Variants in PARP10 observed in about 807,000 individuals in gnomAD.
PARP10 encodes the protein poly(ADP-ribose) polymerase family member 10.
A neutral mutation model predicts 82.4 loss-of-function variants in PARP10; 56 were observed. That is an observed-to-expected ratio of 0.68 (90% CI 0.55 to 0.85). PARP10 has a LOEUF of 0.85. Among genes scored for constraint, PARP10 ranks in the 40% least tolerant of loss-of-function variants. PARP10 has a pLI of 0.00. For missense variants in PARP10, 1,227 were observed against 1,379.4 expected (o/e 0.89, Z 1.75); for synonymous variants, 576 against 601.1 (o/e 0.96, Z 0.61).
chr8:143,989,785 TC>T (rs1387163039), upstream of PARP10: 7 of 152,316 alleles, frequency 4.6e-5, no homozygotes, highest in Admixed American at 2.0e-4. This position sits in a 1 kb window ranked among gnomAD's most constrained non-coding sequence, Gnocchi z 4.3. Context: ...GGACGGTCAG[TC>T]CCGGGCAGCT....
rs1554746811 is a variant in PARP10, at chr8:143,977,992, C to T, written c.2646G>A (p.Glu882=). The change falls in exon 10 of 11, where the codon GAG becomes GAA. Residue 882 remains glutamate, a synonymous_variant. Coordinates refer to ENST00000313028, the MANE Select transcript of PARP10 (RefSeq NM_032789.5). The part of the protein sequence containing the change: ...LLQRCERRPV[E]QVLYHGTTAP... ...CCGTCGTGCCGTGGTACAGCACCTG[C>T]TCCACCGGGCGCCGCTCGCATCGCT... 2.5e-6 allele frequency: 4 copies of T among 1,593,226 alleles called. No homozygotes were observed. Among genetic ancestry groups the T allele is most frequent in the Admixed American group, 3.4e-5 (2 of 59,580 alleles).
rs1834248117 is a variant in PARP10 at position 144,008,245 on chromosome 8, C to A, written c.-80+4285G>T. Among the ~76,000 whole-genome samples, 4 of 152,312 alleles carry A rather than the reference C, an allele frequency of 2.6e-5. No individual in the cohort carries two copies. The South Asian group carries it at 8.3e-4, about 32-fold the overall frequency. ...CCAGCATGGAGGCAGCACGTTGGGG[C>A]CTGTCAGGTGGATGGAACAGAGGGC... On this transcript the variant is annotated intron_variant, in intron 1 of 3. Coordinates refer to the PARP10 transcript ENST00000530478. This position sits in a 1 kb window ranked among gnomAD's most constrained non-coding sequence, Gnocchi z 4.0.
chr8:143,978,970 T>G (rs1183012897), intron 9 of PARP10, among the ~76,000 whole-genome samples: 2 of 45,764 alleles, frequency 4.4e-5, no homozygotes, highest in Non-Finnish European at 9.2e-5. Context: ...ACCCTGCAAG[T>G]TTTTTTTTTT....
chr8:144,006,803 C>A (rs1834239505), intron 1 of PARP10, among the ~76,000 whole-genome samples: 1 of 152,202 alleles, frequency 6.6e-6, no homozygotes. Flanking sequence ...GGGTCCTCAC[C>A]AGACACCAGG....
At chr8:143,994,831 G>A (rs1174783958), upstream of PARP10, among the ~76,000 whole-genome samples, 5 of 152,138 alleles carry the variant, frequency 3.3e-5, no homozygotes, top group South Asian at 4.2e-4. Context: ...CTGGGTGCCC[G>A]CCTGTGCTCC....
intron 1 of PARP10, among the ~76,000 whole-genome samples, chr8:143,998,724 C>T (rs558271453): frequency 1.3e-5 from 2 of 152,058 alleles, no homozygotes; most frequent in Non-Finnish European, 2.9e-5. Context: ...CAAAGGCAGG[C>T]GGATCACTTG....
At chr8:143,995,762 A>G (rs1470993183), upstream of PARP10, among the ~76,000 whole-genome samples, 1 of 152,110 alleles carries the variant, frequency 6.6e-6, no homozygotes, top group Non-Finnish European at 1.5e-5. Flanking sequence ...TGCATAGAAC[A>G]TCAACATCAG....
Position 143,986,130 on chromosome 8 carries a change from G to A in PARP10, c.106C>T (p.Arg36Cys), listed in dbSNP as rs782082984. The change falls in exon 2 of 11, where the codon CGC (arginine) becomes TGC (cysteine). Residue 36 changes from arginine to cysteine, a missense_variant. Physicochemically the swap from Arg to Cys is radical, Grantham distance 180 (BLOSUM62 -3). Transcript: ENST00000313028. Reference sequence around the variant, plus strand: ...CTCAACACAGGTCCCCCTCCAGAGCGTCGGCGGTTTTCAAAGTAGAGAGTG... The same window carrying A: ...CTCAACACAGGTCCCCCTCCAGAGCATCGGCGGTTTTCAAAGTAGAGAGTG... Reference protein sequence around the residue: ...LLTLYFENRRRSGGGPVLSWQ... With the variant: ...LLTLYFENRRCSGGGPVLSWQ... 8.7e-6 allele frequency: 14 copies of A among 1,614,034 alleles called. No homozygotes were observed. Among genetic ancestry groups the A allele is most frequent in the Middle Eastern group, 1.6e-4 (1 of 6,082 alleles).
At chr8:143,988,128 G>T (rs1457868603), upstream of PARP10, among the ~76,000 whole-genome samples, 1 of 139,082 alleles carries the variant, frequency 7.2e-6, no homozygotes, top group African/African-American at 2.7e-5. Flanking sequence ...CACCCCTCTG[G>T]CATGATCTCC....
chr8:143,985,015 C>A lies in PARP10; in HGVS notation c.987G>T (p.Gly329=). Residue 329 remains glycine (G), a synonymous_variant, in exon 5 of 11, where the codon GGG becomes GGT. Coordinates refer to ENST00000313028, the MANE Select transcript of PARP10 (RefSeq NM_032789.5). ...IMTTGSGQEP[G]QSGTSLRTGP... Reference sequence around the variant, plus strand: ...CTGTCCTCAGAGAGGTCCCTGACTGCCCTGGTTCCTGGCCAGAGCCTGTTG... The same window carrying A: ...CTGTCCTCAGAGAGGTCCCTGACTGACCTGGTTCCTGGCCAGAGCCTGTTG... The A allele has an allele frequency of 6.2e-7, 1 of 1,613,946 alleles. No homozygotes were observed.
intron 9 of PARP10, among the ~76,000 whole-genome samples, chr8:143,980,602 TAA>T (rs1833829089): frequency 6.6e-6 from 1 of 151,632 alleles, no homozygotes; most frequent in African/African-American, 2.4e-5. Context: ...TACGTAAATT[TAA>T]AAGTCAAATA....
At position 143,985,854 on chromosome 8, in the gene PARP10, C is replaced by G; in HGVS notation, c.303G>C (p.Thr101=). The change falls in exon 3 of 11, where the codon ACG becomes ACC. Residue 101 remains threonine (T), a synonymous_variant. Transcript: ENST00000313028. ...LLLQGLPPGT[T]PQRLEQHVQA... is the part of the protein sequence containing the mutation. ...GGACATGCTGCTCCAAGCGCTGGGG[C>G]GTGGTGCCAGGGGGCAGTCCTTGGA... 1.9e-6 allele frequency: 3 copies of G among 1,609,370 alleles called. No homozygotes were observed. The highest frequency in any genetic ancestry group is 2.5e-6 in the Non-Finnish European group (3 of 1,178,152).
chr8:144,000,119 G>A (rs1247931439), intron 1 of PARP10, among the ~76,000 whole-genome samples: 1 of 152,178 alleles, frequency 6.6e-6, no homozygotes, highest in African/African-American at 2.4e-5. Context: ...TACGAGCCCA[G>A]CATTGTGAGG....
At chr8:143,993,159 G>A, upstream of PARP10, 1 of 348,072 alleles carries the variant, frequency 2.9e-6, no homozygotes, top group Non-Finnish European at 5.4e-6. Flanking sequence ...GCAGCACCAG[G>A]TCCCGGGGAG....
upstream of PARP10, chr8:143,990,084 C>T (rs1554750192): frequency 6.6e-6 from 1 of 151,416 alleles, no homozygotes; most frequent in Non-Finnish European, 1.5e-5. The surrounding 1 kb of genome is among the most constrained non-coding windows in gnomAD (Gnocchi z 5.6). Context: ...TTCCGAGCCG[C>T]AGGCGCAGGC....
chr8:143,998,218 C>A (rs1371357919), intron 1 of PARP10, among the ~76,000 whole-genome samples: 1 of 152,180 alleles, frequency 6.6e-6, no homozygotes, highest in Non-Finnish European at 1.5e-5. Context: ...CAGTTGCACT[C>A]AGGAGACAGG....
Position 143,977,437 on chromosome 8 carries a change from G to A in PARP10, c.*47C>T. 2 of 1,459,550 alleles carry A rather than the reference G, an allele frequency of 1.4e-6. No homozygotes were observed. Among genetic ancestry groups the A allele is most frequent in the Non-Finnish European group, 1.8e-6 (2 of 1,089,802 alleles). The allele number at this position is 1,459,550 out of a possible 1,614,324, so 90.4% of individuals were successfully genotyped here. On this transcript the variant is annotated 3_prime_UTR_variant, in exon 11 of 11. Coordinates refer to ENST00000313028, the MANE Select transcript of PARP10 (RefSeq NM_032789.5). The stretch of plus-strand genomic sequence containing the variant: ...GGGGGCGGGGAGCATCAGCCTGTGC[G>A]GAGCTGGGAGCCTGGGAAGCAGGAG...
At position 143,997,690 on chromosome 8, in the gene PARP10, T is replaced by C. The variant is rs185327995; in HGVS notation, c.-79-11252A>G. 5.7e-3 allele frequency among the ~76,000 whole-genome samples: 868 copies of C among 152,232 alleles called. 7 individuals carry two copies. Among genetic ancestry groups the C allele is most frequent in the Admixed American group, 0.011 (163 of 15,292 alleles). On this transcript the variant is annotated intron_variant, in intron 1 of 3. Coordinates refer to the PARP10 transcript ENST00000530478. ...GTGGACTGAACTGAGTCCCAGGAGT[T>C]GGGACCTGAGATCCCAACTCCCACT... is the stretch of plus-strand genomic sequence containing the variant.
rs1833735280 is a variant in PARP10 at position 143,977,836 on chromosome 8, G to A, written c.2732-6C>T. The A allele has an allele frequency of 6.3e-7, 1 of 1,596,698 alleles. No individual in the cohort carries two copies. The highest frequency in any genetic ancestry group is 8.5e-7 in the Non-Finnish European group (1 of 1,172,410). Reference sequence around the variant, plus strand: ...GCCCTTCCCGTAGACCGTGGCTGCAGGGCGAGACGGGGCAAGGTCAGGGTG... The same window carrying A: ...GCCCTTCCCGTAGACCGTGGCTGCAAGGCGAGACGGGGCAAGGTCAGGGTG... On this transcript the variant is annotated splice_region_variant and splice_polypyrimidine_tract_variant and intron_variant, in intron 10 of 10. Transcript: ENST00000313028.
Sources: gnomAD v4.1 joint callset for allele counts (sites outside exome capture counted in the v4.1 genomes callset) on GRCh38, gnomAD v4.1.1 for gene constraint, Gnocchi (gnomAD v3.1) non-coding constraint, MANE v1.5 for transcripts, NCBI Gene and HGNC (gene_info 2026-07-23, HGNC 2026-07-21) for gene names.